CALCR: variants seen among roughly 807,000 people sequenced by gnomAD.
The protein encoded by CALCR is calcitonin receptor.
In CALCR, 47 loss-of-function variants were observed where a neutral mutation model predicts 59.5. That is an observed-to-expected ratio of 0.79 (90% CI 0.63 to 1.01). The LOEUF (loss-of-function observed/expected upper bound fraction) is 1.01, where lower values mean the gene tolerates loss of function less well. Among genes scored for constraint, CALCR ranks in the 50% least tolerant of loss-of-function variants. The pLI, the probability that CALCR is intolerant of heterozygous loss-of-function variation, is 0.00. For synonymous variants in CALCR, 213 were observed against 211.3 expected (o/e 1.01, Z -0.07); for missense variants, 566 against 597.1 (o/e 0.95, Z 0.54).
chr7:93,564,738 G>A (rs1039204933), intron 2 of CALCR, among the ~76,000 whole-genome samples: 1 of 149,646 alleles, frequency 6.7e-6, no homozygotes, highest in Admixed American at 6.7e-5. Context: ...ACAGGAGTGG[G>A]CCACCACACC....
intron 6 of CALCR, among the ~76,000 whole-genome samples, chr7:93,469,889 T>A (rs913968543): frequency 1.3e-5 from 2 of 151,804 alleles, no homozygotes; most frequent in Non-Finnish European, 2.9e-5. Context: ...AATTTATATA[T>A]CCTTGAACAT....
At chr7:93,446,542 C>T (rs577792666) in intron 8 of CALCR, among the ~76,000 whole-genome samples, 2 of 152,102 alleles carry the variant, frequency 1.3e-5, no homozygotes, top group African/African-American at 4.8e-5. Flanking sequence ...GGAACACCTG[C>T]TATGAGCCAG....
At chr7:93,432,026 C>T (rs1202057158) in intron 13 of CALCR, among the ~76,000 whole-genome samples, 1 of 152,130 alleles carries the variant, frequency 6.6e-6, no homozygotes, top group Non-Finnish European at 1.5e-5. Flanking sequence ...CATAAGCATG[C>T]TCTCATGGTC....
chr7:93,482,728 A>C lies in CALCR; in HGVS notation c.52-3221T>G, dbSNP rs371475611. 1.9e-5 allele frequency: 10 copies of C among 530,298 alleles called. No individual in the cohort carries two copies. The African/African-American group carries it at 1.9e-4, about 10-fold the overall frequency. The allele number at this position is 530,298 out of a possible 1,614,324, so 32.8% of individuals were successfully genotyped here. A position where few individuals can be genotyped will look rare whatever the true frequency, so the allele number is the denominator to read the frequency against. Reference sequence around the variant, plus strand: ...ACAGTGGAAATACGACAATCTGTATACGAGTAGTTATAATTCATGCTGATG... The same window carrying C: ...ACAGTGGAAATACGACAATCTGTATCCGAGTAGTTATAATTCATGCTGATG... On this transcript the variant is annotated intron_variant, in intron 3 of 13. Transcript: ENST00000426151.
intron 2 of CALCR, among the ~76,000 whole-genome samples, chr7:93,501,590 A>G (rs1056180825): frequency 2.6e-5 from 4 of 152,050 alleles, no homozygotes; most frequent in Admixed American, 2.0e-4. Flanking sequence ...AGGCATCTAC[A>G]TGACTTAGAT....
intron 2 of CALCR, among the ~76,000 whole-genome samples, chr7:93,523,774 G>T (rs893515378): frequency 6.6e-6 from 1 of 151,696 alleles, no homozygotes. Context: ...AATAAAATTC[G>T]GGTCAATATA....
intron 3 of CALCR, among the ~76,000 whole-genome samples, chr7:93,483,410 T>C (rs1203144150): frequency 7.4e-5 from 1 of 13,482 alleles, no homozygotes; most frequent in Non-Finnish European, 2.3e-4. Context: ...GCTGACTGTA[T>C]AGATAGATAG....
intron 2 of CALCR, among the ~76,000 whole-genome samples, chr7:93,561,362 A>G (rs926360280): frequency 6.6e-6 from 1 of 152,148 alleles, no homozygotes; most frequent in African/African-American, 2.4e-5. Flanking sequence ...GCCTAGCATA[A>G]GGCTTAATCT....
In CALCR at chr7:93,426,505, C is replaced by T; in HGVS notation, c.1276G>A (p.Ala426Thr). ...RWGRRPSNRS[A>T]RAAAAAAEAG... Reference sequence around the variant, plus strand: ...TCCGCAGCAGCGGCTGCAGCGCGAGCAGAGCGGTTGGAGGGGCGCCTCCCC... The same window carrying T: ...TCCGCAGCAGCGGCTGCAGCGCGAGTAGAGCGGTTGGAGGGGCGCCTCCCC... The change falls in exon 14 of 14, where the codon GCT (alanine) becomes ACT (threonine). Residue 426 changes from alanine to threonine, a missense_variant. Transcript: ENST00000426151. 1 of 1,613,918 alleles carries T rather than the reference C, an allele frequency of 6.2e-7. No individual in the cohort carries two copies. Among genetic ancestry groups the T allele is most frequent in the Non-Finnish European group, 8.5e-7 (1 of 1,179,864 alleles).
intron 8 of CALCR, among the ~76,000 whole-genome samples, chr7:93,446,514 C>T (rs1012585614): frequency 1.3e-5 from 2 of 151,974 alleles, no homozygotes; most frequent in African/African-American, 2.4e-5. Flanking sequence ...AATTCAGTTG[C>T]ATTCAACAAA....
chr7:93,540,504 T>C (rs900242659), intron 2 of CALCR, among the ~76,000 whole-genome samples: 1 of 152,136 alleles, frequency 6.6e-6, no homozygotes, highest in Non-Finnish European at 1.5e-5. Context: ...GTTTCTTTAT[T>C]TGCATTTACT....
intron 5 of CALCR, among the ~76,000 whole-genome samples, chr7:93,472,924 T>C (rs1251655428): frequency 6.6e-6 from 1 of 151,186 alleles, no homozygotes; most frequent in Non-Finnish European, 1.5e-5. Context: ...ACTTGCAATG[T>C]TTTTTCATTA....
At chr7:93,432,202 A>G (rs1339243438) in intron 13 of CALCR, among the ~76,000 whole-genome samples, 1 of 152,218 alleles carries the variant, frequency 6.6e-6, no homozygotes, top group Admixed American at 6.5e-5. Context: ...TAACATACCA[A>G]TCATAATCAA....
At chr7:93,525,946 C>A (rs947062481) in intron 2 of CALCR, among the ~76,000 whole-genome samples, 3 of 152,124 alleles carry the variant, frequency 2.0e-5, no homozygotes, top group Non-Finnish European at 4.4e-5. Flanking sequence ...TTGCTATTAA[C>A]CTTTTTGCTT....
chr7:93,442,952 G>A (rs945121658), intron 9 of CALCR, among the ~76,000 whole-genome samples: 2 of 152,130 alleles, frequency 1.3e-5, no homozygotes, highest in African/African-American at 4.8e-5. Context: ...CAGCCCTGGG[G>A]GAAAGGGAGC....
At chr7:93,457,216 T>C (rs1164110387) in intron 8 of CALCR, among the ~76,000 whole-genome samples, 1 of 152,172 alleles carries the variant, frequency 6.6e-6, no homozygotes, top group Non-Finnish European at 1.5e-5. Flanking sequence ...AGGTGAGAGT[T>C]GACAGCAACC....
At chr7:93,468,860 G>T in intron 6 of CALCR, 54 bp from the exon 7 acceptor site, 1 of 852,062 alleles carries the variant, frequency 1.2e-6, no homozygotes, top group Non-Finnish European at 1.8e-6. Context: ...TCATCAGAGA[G>T]AAAATCATTT....
intron 2 of CALCR, among the ~76,000 whole-genome samples, chr7:93,550,109 A>C (rs1789404651): frequency 6.6e-6 from 1 of 152,198 alleles, no homozygotes; most frequent in African/African-American, 2.4e-5. Context: ...CTTTATTTTG[A>C]AAAATAATGA....
intron 2 of CALCR, among the ~76,000 whole-genome samples, chr7:93,528,120 A>G (rs1788719051): frequency 2.0e-5 from 3 of 152,170 alleles, no homozygotes; most frequent in Admixed American, 2.0e-4. Context: ...AGGTAAGTGC[A>G]TGTTTAAATA....
Sources: allele counts gnomAD v4.1 joint callset (sites outside exome capture counted in the v4.1 genomes callset), GRCh38; gene constraint gnomAD v4.1.1; transcripts MANE v1.5; gene names NCBI Gene and HGNC (gene_info 2026-07-23, HGNC 2026-07-21).